The following NBEAL1 variants were observed in gnomAD, a reference collection of about 807,000 sequenced individuals.
NBEAL1 encodes the protein neurobeachin-like protein 1.
A neutral mutation model predicts 351.3 loss-of-function variants in NBEAL1; 273 were observed. That is an observed-to-expected ratio of 0.78 (90% confidence interval 0.70 to 0.86). The LOEUF (loss-of-function observed/expected upper bound fraction) is 0.86. Among genes scored for constraint, NBEAL1 ranks in the 40% least tolerant of loss-of-function variants. NBEAL1 has a pLI of 0.00. For missense variants in NBEAL1, 2,961 were observed against 3,201.3 expected (o/e 0.92, Z 1.81); for synonymous variants, 1,050 against 1,086.4 (o/e 0.97, Z 0.66).
intron 6 of NBEAL1, chr2:203,061,645 A>G (rs565198537): frequency 1.3e-3 from 200 of 156,936 alleles, no homozygotes; most frequent in African/African-American, 4.7e-3. Context: ...CTCTACATCT[A>G]TAGGGTTTCT....
At chr2:203,052,736 T>TTATTTATTTATA (rs2061343417) in intron 4 of NBEAL1, among the ~76,000 whole-genome samples, 2 of 151,000 alleles carry the variant, frequency 1.3e-5, no homozygotes, top group African/African-American at 4.9e-5. Flanking sequence ...ATTTATTTAT[T>TTATTTATTTATA]TATTTATTTA....
Position 203,138,629 on chromosome 2 carries a change from G to T in NBEAL1, c.4729G>T (p.Asp1577Tyr), listed in dbSNP as rs551944895. ...SNMWTEKLLE[D>Y]MMLLFDCLSV... ...TTTTCCTTTGTGATAGCTTTTAGAG[G>T]ATATGATGCTGCTCTTTGACTGTCT... is the stretch of plus-strand genomic sequence containing the variant. Residue 1577 changes from aspartate (D) to tyrosine (Y), a missense_variant, in exon 31 of 56, where the codon GAT becomes TAT. Transcript: ENST00000683969. The T allele has an allele frequency of 1.3e-6, 2 of 1,598,488 alleles. No homozygotes were observed. Among genetic ancestry groups the T allele is most frequent in the East Asian group, 2.2e-5 (1 of 44,570 alleles).
At chr2:203,110,771 T>TC (rs1027400561) in intron 15 of NBEAL1, among the ~76,000 whole-genome samples, 1 of 140,210 alleles carries the variant, frequency 7.1e-6, no homozygotes, top group African/African-American at 2.5e-5. Context: ...TTTTTTCTTT[T>TC]TTTTTTTTTT....
chr2:203,209,012 A>G (rs1158410282), intron 52 of NBEAL1, 149 bp from the exon 53 acceptor site: 1 of 652,758 alleles, frequency 1.5e-6, no homozygotes, highest in Non-Finnish European at 2.5e-6. Flanking sequence ...TCGAAGTTGG[A>G]ATTTTTCCTA....
intron 18 of NBEAL1, among the ~76,000 whole-genome samples, chr2:203,116,808 G>T (rs1078431): frequency 7.5e-6 from 1 of 134,012 alleles, no homozygotes; most frequent in Non-Finnish European, 1.6e-5. Context: ...AAAAAAAAAA[G>T]GGGGGGGCCC....
rs2065431104 is a variant in NBEAL1, at chr2:203,202,615, A to G, written c.7412-72A>G. 2.6e-5 allele frequency: 22 copies of G among 857,110 alleles called. No individual in the cohort carries two copies. In the South Asian group the frequency reaches 3.0e-4, roughly 12 times the overall value. The allele number at this position is 857,110 out of a possible 1,614,324, so 53.1% of individuals were successfully genotyped here. ...TGATTTAGGAATAGTTTGAACATTA[A>G]CAAAAATTGCTCTTAAAGTTCTATT... On this transcript the variant is annotated intron_variant, in intron 50 of 55. Coordinates refer to ENST00000683969, the MANE Select transcript of NBEAL1 (RefSeq NM_001378026.1).
chr2:203,064,146 C>A (rs768358834), intron 6 of NBEAL1, among the ~76,000 whole-genome samples: 2 of 152,022 alleles, frequency 1.3e-5, no homozygotes, highest in Admixed American at 1.3e-4. Flanking sequence ...CTCCGCCTCC[C>A]GGGTTCAAAC....
chr2:203,153,401 C>T (rs2063714807), intron 35 of NBEAL1, among the ~76,000 whole-genome samples: 2 of 151,208 alleles, frequency 1.3e-5, no homozygotes, highest in Non-Finnish European at 2.9e-5. Flanking sequence ...ACCTCAGCCT[C>T]CCAAAGTGCT....
At chr2:203,124,196 G>T (rs971985127) in intron 19 of NBEAL1, among the ~76,000 whole-genome samples, 1 of 152,118 alleles carries the variant, frequency 6.6e-6, no homozygotes, top group African/African-American at 2.4e-5. Context: ...AGCTGAGTGT[G>T]GTGGCACATG....
At position 203,154,507 on chromosome 2, in the gene NBEAL1, T is replaced by G. The variant is rs913224122; in HGVS notation, c.5587+2918T>G. ...AAAATATTATCTTGTTTTGTTTTAC[T>G]TACTCCAATACTGCTTTTTATAAGC... On this transcript the variant is annotated intron_variant, in intron 35 of 55. Transcript: ENST00000683969. Among the ~76,000 whole-genome samples, 2 of 152,192 alleles carry G rather than the reference T, an allele frequency of 1.3e-5. 1 individual carries two copies. Among genetic ancestry groups the G allele is most frequent in the Non-Finnish European group, 2.9e-5 (2 of 68,040 alleles).
rs951540116 is a variant in NBEAL1 at position 203,222,203 on chromosome 2, T to A, written c.*4849T>A. ...CCCTGTCTCCAAAAATACATTTTTT[T>A]AAATTTAAATCTGGCAGTTTCTAGG... On this transcript the variant is annotated 3_prime_UTR_variant, in exon 56 of 56. Coordinates refer to ENST00000683969, the MANE Select transcript of NBEAL1 (RefSeq NM_001378026.1). 1.3e-5 allele frequency among the ~76,000 whole-genome samples: 2 copies of A among 152,214 alleles called. No individual in the cohort carries two copies. Among genetic ancestry groups the A allele is most frequent in the Admixed American group, 1.3e-4 (2 of 15,280 alleles).
chr2:203,199,060 G>A (rs1004021194), intron 48 of NBEAL1, among the ~76,000 whole-genome samples: 2 of 151,686 alleles, frequency 1.3e-5, no homozygotes, highest in Non-Finnish European at 2.9e-5. Context: ...AGCCAGGCAT[G>A]GTGGCGCATG....
chr2:203,186,617 AAAATAAATAAAT>A (rs201998154), intron 44 of NBEAL1, among the ~76,000 whole-genome samples: 1 of 151,966 alleles, frequency 6.6e-6, no homozygotes, highest in Non-Finnish European at 1.5e-5. Context: ...TTATTCCATA[AAAATAAATAAAT>A]AAATAAATAA....
intron 51 of NBEAL1, among the ~76,000 whole-genome samples, chr2:203,204,705 C>T (rs1474671329): frequency 6.6e-6 from 1 of 151,968 alleles, no homozygotes; most frequent in Non-Finnish European, 1.5e-5. Context: ...CTTTCTTTTT[C>T]ATTTAGATCT....
chr2:203,158,815 G>GTTTTTTTTTTTTTTTT (rs71034220), intron 36 of NBEAL1, among the ~76,000 whole-genome samples: 2 of 84,364 alleles, frequency 2.4e-5, no homozygotes, highest in Non-Finnish European at 4.3e-5. Context: ...TTTCTGTAGG[G>GTTTTTTTTTTTTTTTT]TTTTTTTTTT....
At chr2:203,020,967 C>G (rs1356359082) in intron 2 of NBEAL1, among the ~76,000 whole-genome samples, 1 of 152,164 alleles carries the variant, frequency 6.6e-6, no homozygotes, top group Non-Finnish European at 1.5e-5. Context: ...GTGGCCCAAA[C>G]TGGAGTGCAG....
At chr2:203,171,801 T>G in intron 39 of NBEAL1, 127 bp from the exon 40 acceptor site, 1 of 468,278 alleles carries the variant, frequency 2.1e-6, no homozygotes. Flanking sequence ...AAAAGTATAT[T>G]GATTTATCTC....
intron 36 of NBEAL1, among the ~76,000 whole-genome samples, chr2:203,163,138 CAG>C (rs1328528865): frequency 1.3e-5 from 2 of 152,184 alleles, no homozygotes; most frequent in Non-Finnish European, 2.9e-5. Flanking sequence ...GCCTGTGTGA[CAG>C]AGCAAGACTC....
At chr2:203,092,079 C>G (rs542645270) in intron 10 of NBEAL1, among the ~76,000 whole-genome samples, 1 of 152,158 alleles carries the variant, frequency 6.6e-6, no homozygotes, top group East Asian at 1.9e-4. Flanking sequence ...GGTCATAGGG[C>G]GTACACTTTT....
Sources: gnomAD v4.1 joint callset for allele counts (sites outside exome capture counted in the v4.1 genomes callset) on GRCh38, gnomAD v4.1.1 for gene constraint, MANE v1.5 for transcripts, NCBI Gene and HGNC (gene_info 2026-07-23, HGNC 2026-07-21) for gene names.